IFT57: variants seen among roughly 807,000 people sequenced by gnomAD.
IFT57 encodes intraflagellar transport 57.
A neutral mutation model predicts 56.8 loss-of-function variants in IFT57; 59 were observed. That is an observed-to-expected ratio of 1.04 (90% CI 0.84 to 1.29). IFT57 has a LOEUF of 1.29. Among genes scored for constraint, IFT57 ranks in the 50% most tolerant of loss-of-function variants. The pLI is 0.00. For missense variants in IFT57, 470 were observed against 522.1 expected (o/e 0.90, Z 0.97); for synonymous variants, 209 against 186.1 (o/e 1.12, Z -1.00).
intron 6 of IFT57, among the ~76,000 whole-genome samples, chr3:108,185,904 G>A (rs2080179160): frequency 3.3e-5 from 5 of 152,200 alleles, no homozygotes; most frequent in Admixed American, 3.3e-4. Flanking sequence ...AAGTCTGGAA[G>A]TACCTTGTTA....
intron 4 of IFT57, among the ~76,000 whole-genome samples, chr3:108,209,625 T>C (rs867932297): frequency 6.6e-6 from 1 of 152,242 alleles, no homozygotes; most frequent in African/African-American, 2.4e-5. Flanking sequence ...AGCAGGTTGC[T>C]ATCACCAATG....
At chr3:108,209,584 C>T (rs1391370372) in intron 4 of IFT57, among the ~76,000 whole-genome samples, 3 of 151,872 alleles carry the variant, frequency 2.0e-5, no homozygotes, top group Non-Finnish European at 2.9e-5. Flanking sequence ...TTTCTGGATG[C>T]GAAAAATAAT....
At chr3:108,211,369 ATC>A (rs2080341951) in intron 4 of IFT57, among the ~76,000 whole-genome samples, 2 of 152,246 alleles carry the variant, frequency 1.3e-5, no homozygotes, top group African/African-American at 4.8e-5. Flanking sequence ...GAACGGAAAG[ATC>A]TGTTACACAA....
At position 108,219,515 on chromosome 3, in the gene IFT57, A is replaced by C. The variant is rs777854669; in HGVS notation, c.270T>G (p.Leu90=). The change falls in exon 2 of 11, where the codon CTT becomes CTG. Residue 90 remains leucine (L), a synonymous_variant. Coordinates refer to ENST00000264538, the MANE Select transcript of IFT57 (RefSeq NM_018010.4). ...CCGCTTTATTAATCAACCAAGCAGC[A>C]AGAGTACAAAACATGTAGAACTGTT... ...PGEQFYMFCT[L]AAWLINKAGR... is the part of the protein sequence containing the mutation. 3 of 1,614,056 alleles carry C rather than the reference A, an allele frequency of 1.9e-6. No individual in the cohort carries two copies. The highest frequency in any genetic ancestry group is 1.6e-4 in the Middle Eastern group (1 of 6,062).
At chr3:108,222,064 C>T in intron 1 of IFT57, 47 bp downstream of exon 1, 1 of 1,555,628 alleles carries the variant, frequency 6.4e-7, no homozygotes, top group Non-Finnish European at 8.7e-7. Context: ...AGGGCATCTC[C>T]CTGGGGGCTA....
intron 6 of IFT57, among the ~76,000 whole-genome samples, chr3:108,188,059 G>C (rs2080194406): frequency 6.6e-6 from 1 of 151,944 alleles, no homozygotes; most frequent in Non-Finnish European, 1.5e-5. Flanking sequence ...TTTACATTAG[G>C]TATATCTCCT....
chr3:108,173,808 G>GTGTGTGTGTGTGTGTGTGTGTGTGTA (rs771647277), intron 6 of IFT57, among the ~76,000 whole-genome samples: 1 of 127,088 alleles, frequency 7.9e-6, no homozygotes, highest in African/African-American at 3.1e-5. Flanking sequence ...GTGTGTGTGT[G>GTGTGTGTGTGTGTGTGTGTGTGTGTA]TATATAATAT....
At chr3:108,183,966 T>A (rs192229614) in intron 6 of IFT57, among the ~76,000 whole-genome samples, 1 of 152,176 alleles carries the variant, frequency 6.6e-6, no homozygotes, top group African/African-American at 2.4e-5. Flanking sequence ...CAACTTTCAA[T>A]TGATTCATGT....
At chr3:108,178,836 T>G (rs1394670105) in intron 6 of IFT57, among the ~76,000 whole-genome samples, 1 of 151,860 alleles carries the variant, frequency 6.6e-6, no homozygotes, top group Non-Finnish European at 1.5e-5. Context: ...TGGCAGAGTC[T>G]ACTACAGCTG....
chr3:108,167,890 A>C lies in IFT57; in HGVS notation c.778-26T>G, dbSNP rs373790244. On this transcript the variant is annotated intron_variant, in intron 6 of 10. Transcript: ENST00000264538. The stretch of plus-strand genomic sequence containing the variant: ...CTACAGGCATAGAGCACATAGAAAT[A>C]ATGTAAAAAATACTACATTTCCATC... 5 of 1,495,546 alleles carry C rather than the reference A, an allele frequency of 3.3e-6. No individual in the cohort carries two copies. In the African/African-American group the frequency reaches 7.1e-5, roughly 21 times the overall value. The allele number at this position is 1,495,546 out of a possible 1,614,324, so 92.6% of individuals were successfully genotyped here.
rs750440365 is a variant in IFT57 at position 108,213,925 on chromosome 3, A to G, written c.585+6T>C. 79 of 1,571,544 alleles carry G rather than the reference A, an allele frequency of 5.0e-5. No homozygotes were observed. Among genetic ancestry groups the G allele is most frequent in the Admixed American group, 6.7e-5 (4 of 59,752 alleles). On this transcript the variant is annotated splice_donor_region_variant and intron_variant, in intron 4 of 10. Transcript: ENST00000264538. Reference sequence around the variant, plus strand: ...AAATGAACAGAAAGTTCAGCTACACACATACCACAAATTCTTCATCCACTT... The same window carrying G: ...AAATGAACAGAAAGTTCAGCTACACGCATACCACAAATTCTTCATCCACTT...
intron 4 of IFT57, among the ~76,000 whole-genome samples, chr3:108,207,110 C>T (rs1308340912): frequency 6.6e-6 from 1 of 152,128 alleles, no homozygotes; most frequent in East Asian, 1.9e-4. Flanking sequence ...AAATGAGAGG[C>T]TGACAGAGAA....
At position 108,167,777 on chromosome 3, in the gene IFT57, A is replaced by C; in HGVS notation, c.849+16T>G. The C allele has an allele frequency of 6.7e-7, 1 of 1,503,596 alleles. No homozygotes were observed. The highest frequency in any genetic ancestry group is 9.0e-7 in the Non-Finnish European group (1 of 1,109,572). 93.1% of individuals were successfully genotyped at this position (1,503,596 alleles called of 1,614,324 possible). ...TGAGTAAATGTACATTGATTCACGTAAAGTAATTCATATACCTTGGTCTCC... is the reference window on the plus strand; with the variant it reads ...TGAGTAAATGTACATTGATTCACGTCAAGTAATTCATATACCTTGGTCTCC... On this transcript the variant is annotated intron_variant, in intron 7 of 10. Transcript: ENST00000264538.
At chr3:108,199,652 T>C (rs887563084) in intron 5 of IFT57, among the ~76,000 whole-genome samples, 2 of 152,256 alleles carry the variant, frequency 1.3e-5, no homozygotes, top group African/African-American at 4.8e-5. Flanking sequence ...TATTAATATT[T>C]ATCCAACAAC....
At position 108,219,590 on chromosome 3, in the gene IFT57, G is replaced by A; in HGVS notation, c.213-18C>T. ...AATAGTGTCTGTTTCAAAACAAGGAGGAATGGGGGCGGATGTGAAATAATG... is the reference window on the plus strand; with the variant it reads ...AATAGTGTCTGTTTCAAAACAAGGAAGAATGGGGGCGGATGTGAAATAATG... On this transcript the variant is annotated intron_variant, in intron 1 of 10. Transcript: ENST00000264538. 15 of 1,610,748 alleles carry A rather than the reference G, an allele frequency of 9.3e-6. No homozygotes were observed. The highest frequency in any genetic ancestry group is 1.2e-5 in the Non-Finnish European group (14 of 1,177,276).
chr3:108,205,587 T>C (rs2108323354), intron 5 of IFT57, among the ~76,000 whole-genome samples: 2 of 150,980 alleles, frequency 1.3e-5, no homozygotes, highest in Middle Eastern at 6.8e-3. Flanking sequence ...AAGATCATCC[T>C]GGGGAGGGGT....
intron 5 of IFT57, among the ~76,000 whole-genome samples, chr3:108,201,389 C>T (rs958398348): frequency 1.3e-5 from 2 of 152,196 alleles, no homozygotes; most frequent in African/African-American, 4.8e-5. Context: ...CTCCACTGAG[C>T]AGTGAGAAGC....
Position 108,206,645 on chromosome 3 carries a change from C to G in IFT57, c.637G>C (p.Ala213Pro). 1 of 1,391,764 alleles carries G rather than the reference C, an allele frequency of 7.2e-7. No homozygotes were observed. The highest frequency in any genetic ancestry group is 2.6e-5 in the East Asian group (1 of 37,934). 86.2% of individuals were successfully genotyped at this position (1,391,764 alleles called of 1,614,324 possible). ...ENFIDLNVLKAQTYHLDMNET... is the reference protein window; with the variant it reads ...ENFIDLNVLKPQTYHLDMNET... ...AAACTTACCAAGTGATATGTCTGGGCCTTTAAAACGTTGAGATCAATAAAG... is the reference window on the plus strand; with the variant it reads ...AAACTTACCAAGTGATATGTCTGGGGCTTTAAAACGTTGAGATCAATAAAG... The change falls in exon 5 of 11, where the codon GCC (alanine) becomes CCC (proline). Residue 213 changes from alanine (A) to proline (P), a missense_variant. Transcript: ENST00000264538.
chr3:108,175,941 AACTG>A (rs1299240572), intron 6 of IFT57, among the ~76,000 whole-genome samples: 1 of 151,800 alleles, frequency 6.6e-6, no homozygotes, highest in African/African-American at 2.4e-5. Context: ...ACCAGACCAC[AACTG>A]ACTGTAGCAG....
Sources: gnomAD v4.1 joint callset for allele counts (sites outside exome capture counted in the v4.1 genomes callset) on GRCh38, gnomAD v4.1.1 for gene constraint, MANE v1.5 for transcripts, NCBI Gene and HGNC (gene_info 2026-07-23, HGNC 2026-07-21) for gene names.